The following LHFPL2 variants were observed in gnomAD, a reference collection of about 807,000 sequenced individuals.
LHFPL2 encodes the protein LHFPL tetraspan subfamily member 2.
LHFPL2 carries 7 observed loss-of-function variants against 17.5 expected under a neutral mutation model. The ratio of observed to expected loss-of-function variants is 0.40; its 90% CI spans 0.23 to 0.75. The LOEUF (loss-of-function observed/expected upper bound fraction) is 0.75. Ranked by LOEUF, LHFPL2 falls within the 30% of genes least tolerant of loss-of-function variation. LHFPL2 has a pLI of 0.37. For missense variants in LHFPL2, 241 were observed against 294.8 expected (o/e 0.82, Z 1.34); for synonymous variants, 134 against 116.2 (o/e 1.15, Z -0.99).
intron 1 of LHFPL2, among the ~76,000 whole-genome samples, chr5:78,639,434 C>T (rs947727703): frequency 2.0e-4 from 31 of 152,288 alleles, no homozygotes; most frequent in African/African-American, 7.5e-4. Flanking sequence ...CTTACAGTCA[C>T]CAGTTTAAGC....
intron 3 of LHFPL2, among the ~76,000 whole-genome samples, chr5:78,524,988 T>C (rs1938651398): frequency 2.0e-5 from 3 of 152,218 alleles, no homozygotes; most frequent in African/African-American, 7.2e-5. Context: ...ATAACAGGGT[T>C]TCTCAACTTC....
chr5:78,616,264 C>T (rs1233512080), intron 2 of LHFPL2, among the ~76,000 whole-genome samples: 2 of 152,058 alleles, frequency 1.3e-5, no homozygotes, highest in Non-Finnish European at 2.9e-5. Flanking sequence ...GTAGCTGGGA[C>T]TACTGGTGCC....
intron 2 of LHFPL2, among the ~76,000 whole-genome samples, chr5:78,573,598 C>T (rs971170565): frequency 6.6e-6 from 1 of 152,188 alleles, no homozygotes. Context: ...GTAAGTTTCA[C>T]TGGTTAGGCA....
At chr5:78,507,255 G>T (rs1344495227) in intron 4 of LHFPL2, among the ~76,000 whole-genome samples, 1 of 152,032 alleles carries the variant, frequency 6.6e-6, no homozygotes, top group Non-Finnish European at 1.5e-5. Flanking sequence ...GCTTGAAACT[G>T]GGAGGTGGAG....
At chr5:78,570,783 G>C (rs183839676) in intron 2 of LHFPL2, among the ~76,000 whole-genome samples, 104 of 152,080 alleles carry the variant, frequency 6.8e-4, no homozygotes, top group Non-Finnish European at 1.2e-3. Flanking sequence ...CACAGACACA[G>C]GGCATTACAG....
intron 3 of LHFPL2, among the ~76,000 whole-genome samples, chr5:78,528,783 C>T (rs1343015040): frequency 6.6e-6 from 1 of 152,162 alleles, no homozygotes; most frequent in Non-Finnish European, 1.5e-5. Flanking sequence ...AGGCAATGGC[C>T]ATTTAAGTGT....
chr5:78,647,758 G>C (rs1304776429), intron 1 of LHFPL2, among the ~76,000 whole-genome samples: 1 of 151,810 alleles, frequency 6.6e-6, no homozygotes, highest in Non-Finnish European at 1.5e-5. Flanking sequence ...CAGAAAAGTC[G>C]AACGGGATTG....
intron 3 of LHFPL2, among the ~76,000 whole-genome samples, chr5:78,549,900 C>A (rs1580798843): frequency 1.3e-5 from 2 of 152,256 alleles, no homozygotes; most frequent in East Asian, 3.9e-4. Context: ...AGTAATTAGA[C>A]ATTAAGAAAC....
intron 3 of LHFPL2, among the ~76,000 whole-genome samples, chr5:78,511,989 G>A (rs1755143503): frequency 3.3e-5 from 5 of 152,196 alleles, no homozygotes; most frequent in South Asian, 2.1e-4. Flanking sequence ...GAGCTCCCTC[G>A]TCTGAGCCGG....
At chr5:78,590,191 AC>A (rs1213572250) in intron 2 of LHFPL2, 1 of 139,626 alleles carries the variant, frequency 7.2e-6, no homozygotes, top group Non-Finnish European at 1.6e-5. Flanking sequence ...GTCCAGGAAG[AC>A]CTAGCCAGGA....
At chr5:78,621,313 T>C (rs572892265) in intron 2 of LHFPL2, among the ~76,000 whole-genome samples, 7 of 152,222 alleles carry the variant, frequency 4.6e-5, no homozygotes, top group Admixed American at 1.3e-4. Context: ...TGCTGTCGTC[T>C]GGCAGAGGGA....
intron 2 of LHFPL2, among the ~76,000 whole-genome samples, chr5:78,627,509 G>T (rs1204505827): frequency 6.6e-6 from 1 of 152,034 alleles, no homozygotes; most frequent in African/African-American, 2.4e-5. Flanking sequence ...AACCTTTATT[G>T]CTCTCCTCCT....
intron 4 of LHFPL2, among the ~76,000 whole-genome samples, chr5:78,504,198 C>T (rs1299811415): frequency 2.0e-5 from 3 of 152,194 alleles, no homozygotes; most frequent in South Asian, 4.1e-4. Flanking sequence ...GTCCTCAGGG[C>T]CTTGTGCTCA....
intron 3 of LHFPL2, among the ~76,000 whole-genome samples, chr5:78,527,597 C>G (rs532635936): frequency 6.6e-6 from 1 of 152,014 alleles, no homozygotes; most frequent in South Asian, 2.1e-4. Context: ...ATATAAAGTC[C>G]TCTGACTGGA....
At chr5:78,614,656 A>G (rs1296126475) in intron 2 of LHFPL2, among the ~76,000 whole-genome samples, 1 of 152,250 alleles carries the variant, frequency 6.6e-6, no homozygotes, top group Non-Finnish European at 1.5e-5. Flanking sequence ...GACTCTGCAA[A>G]TATAAAAATA....
At chr5:78,644,876 A>C (rs1459554362) in intron 1 of LHFPL2, 2 of 169,034 alleles carry the variant, frequency 1.2e-5, no homozygotes, top group African/African-American at 4.8e-5. Flanking sequence ...AGTGAGCCAC[A>C]GAGTCGCCCA....
intron 2 of LHFPL2, among the ~76,000 whole-genome samples, chr5:78,597,688 T>C (rs1743874861): frequency 6.6e-6 from 1 of 152,186 alleles, no homozygotes; most frequent in South Asian, 2.1e-4. Flanking sequence ...AGAAATGAAG[T>C]AACAAATAAG....
intron 3 of LHFPL2, among the ~76,000 whole-genome samples, chr5:78,540,202 TTTTATGTTAA>T (rs1561329695): frequency 6.6e-6 from 1 of 152,194 alleles, no homozygotes; most frequent in East Asian, 1.9e-4. Context: ...AAGAGACATG[TTTTATGTTAA>T]CTGAACTACG....
intron 3 of LHFPL2, among the ~76,000 whole-genome samples, chr5:78,528,372 TA>T (rs968977662): frequency 6.6e-6 from 1 of 152,224 alleles, no homozygotes; most frequent in African/African-American, 2.4e-5. Context: ...ACAGTGGCAT[TA>T]GATTCTCATA....
Sources: allele counts gnomAD v4.1 joint callset (sites outside exome capture counted in the v4.1 genomes callset), GRCh38; gene constraint gnomAD v4.1.1; transcripts MANE v1.5; gene names NCBI Gene and HGNC (gene_info 2026-07-23, HGNC 2026-07-21).